WDFY4: variants seen among roughly 807,000 people sequenced by gnomAD.
WDFY4 encodes WDFY family member 4.
In WDFY4, 169 loss-of-function variants were observed where a neutral mutation model predicts 351.9. That is an observed-to-expected ratio of 0.48 (90% CI 0.42 to 0.55). The LOEUF (loss-of-function observed/expected upper bound fraction) is 0.55. Among genes scored for constraint, WDFY4 ranks in the 20% least tolerant of loss-of-function variants. The pLI is 0.00. For missense variants in WDFY4, 3,803 were observed against 3,935.6 expected, an observed-to-expected ratio of 0.97 and a Z score of 0.90; for synonymous variants, 1,622 against 1,574.6, an observed-to-expected ratio of 1.03 and a Z score of -0.71.
At chr10:48,846,486 C>T (rs370710242) in intron 39 of WDFY4, among the ~76,000 whole-genome samples, 15 of 152,200 alleles carry the variant, frequency 9.9e-5, no homozygotes, top group African/African-American at 3.4e-4. Flanking sequence ...TGAAGGCCTT[C>T]GGGTTTGCAC....
chr10:48,963,721 A>T (rs1330543502), intron 53 of WDFY4, 121 bp from the exon 54 acceptor site: 1 of 1,131,044 alleles, frequency 8.8e-7, no homozygotes, highest in Non-Finnish European at 1.3e-6. Context: ...CCAGGGGCTC[A>T]TCAATTATCT....
At chr10:48,705,387 C>T (rs903330299) in intron 1 of WDFY4, among the ~76,000 whole-genome samples, 1 of 152,156 alleles carries the variant, frequency 6.6e-6, no homozygotes. Context: ...ACCCTGGCCT[C>T]GCCTGGGACT....
intron 1 of WDFY4, among the ~76,000 whole-genome samples, chr10:48,700,559 A>G (rs548241312): frequency 1.2e-4 from 18 of 152,382 alleles, no homozygotes; most frequent in African/African-American, 4.3e-4. Context: ...ATCATGTGGC[A>G]AATGTTTACT....
In WDFY4 at chr10:48,778,786, C is replaced by T; in HGVS notation, c.3351C>T (p.Asp1117=). ...TCTCCGTCAGCCTCTGCCCAGACGA[C>T]CTCTCCTTGGTTGTTTCTACAGAAG... is the stretch of plus-strand genomic sequence containing the variant. ...VCFSVSLCPD[D]LSLVVSTEEK... The change falls in exon 18 of 62, where the codon GAC becomes GAT. Residue 1117 remains aspartate (D), a synonymous_variant. Coordinates refer to ENST00000325239, the MANE Select transcript of WDFY4 (RefSeq NM_001394531.1). The T allele has an allele frequency of 1.9e-6, 3 of 1,551,596 alleles. No individual in the cohort carries two copies. The highest frequency in any genetic ancestry group is 2.6e-6 in the Non-Finnish European group (3 of 1,147,046).
intron 51 of WDFY4, among the ~76,000 whole-genome samples, chr10:48,954,125 A>C (rs998641028): frequency 3.3e-5 from 5 of 152,184 alleles, no homozygotes; most frequent in Non-Finnish European, 7.3e-5. Flanking sequence ...AAAGGATTTT[A>C]ATTGAGAAGA....
Position 48,820,252 on chromosome 10 carries a change from AC to A in WDFY4, c.5527del (p.Arg1843GlyfsTer32). Reference protein sequence around the residue: ...GAQKGVGAESTRNTSSPEAAA... With the variant: ...GAQKGVGAESXRNTSSPEAAA... ...CTTTGAGGGGGTTGGGGCTGAGTCC[AC>A]CCGGAACACCAGCAGTCCTGAGGCC... On this transcript the variant is annotated frameshift_variant, in exon 33 of 62. Transcript: ENST00000325239. LOFTEE classifies it high-confidence loss of function. The A allele has an allele frequency of 6.4e-7, 1 of 1,551,594 alleles. No individual in the cohort carries two copies. Among genetic ancestry groups the A allele is most frequent in the South Asian group, 1.2e-5 (1 of 84,058 alleles).
chr10:48,886,801 T>A (rs189663687), intron 43 of WDFY4, among the ~76,000 whole-genome samples: 3 of 152,378 alleles, frequency 2.0e-5, no homozygotes, highest in Non-Finnish European at 1.5e-5. Flanking sequence ...GAGCTAGCTG[T>A]GGCTACTTTC....
rs1239020383 is a variant in WDFY4 at position 48,778,840 on chromosome 10, G to A, written c.3397+8G>A. ...AGGAGTTTCAGCCTCTGGGTAAGGT[G>A]CTGGGATCCAAAGCCAGTTTCATCC... is the stretch of plus-strand genomic sequence containing the variant. On this transcript the variant is annotated splice_region_variant and intron_variant, in intron 18 of 61. Coordinates refer to ENST00000325239, the MANE Select transcript of WDFY4 (RefSeq NM_001394531.1). The A allele has an allele frequency of 1.3e-6, 2 of 1,548,392 alleles. No homozygotes were observed. Among genetic ancestry groups the A allele is most frequent in the Non-Finnish European group, 8.7e-7 (1 of 1,146,926 alleles).
chr10:48,887,916 A>G (rs2070533910), intron 43 of WDFY4, among the ~76,000 whole-genome samples: 1 of 152,274 alleles, frequency 6.6e-6, no homozygotes, highest in Non-Finnish European at 1.5e-5. Context: ...CTGACTGGTC[A>G]AATAAACTGT....
At chr10:48,838,079 GGGAAGTCAGGGCTGTGTAAGAATTAACA>G (rs1253199694) in intron 39 of WDFY4, among the ~76,000 whole-genome samples, 1 of 152,242 alleles carries the variant, frequency 6.6e-6, no homozygotes, top group Non-Finnish European at 1.5e-5. Flanking sequence ...GGCCCATGCA[GGGAAGTCAGGGCTGTGTAAGAATTAACA>G]GAATGGGATG....
At chr10:48,974,519 A>AAAAAAAAAAAAAAAAAAAAAAAAAAAAC (rs1352344126) in intron 57 of WDFY4, among the ~76,000 whole-genome samples, 6 of 49,968 alleles carry the variant, frequency 1.2e-4, no homozygotes, top group Non-Finnish European at 1.8e-4. Flanking sequence ...AAAAAAAAAA[A>AAAAAAAAAAAAAAAAAAAAAAAAAAAAC]AAAAAAAAAA....
chr10:48,910,918 T>A, intron 47 of WDFY4: 1 of 985,138 alleles, frequency 1.0e-6, no homozygotes, highest in South Asian at 4.7e-5. Flanking sequence ...TCTTAACTTC[T>A]CTCCTTTGCT....
At chr10:48,736,966 A>G (rs148546748) in intron 11 of WDFY4, among the ~76,000 whole-genome samples, 5 of 152,358 alleles carry the variant, frequency 3.3e-5, no homozygotes, top group African/African-American at 1.2e-4. Flanking sequence ...ACATTCATCA[A>G]TTTATCTTAA....
intron 47 of WDFY4, among the ~76,000 whole-genome samples, chr10:48,937,328 C>T (rs1027845171): frequency 6.6e-5 from 10 of 152,196 alleles, no homozygotes; most frequent in Non-Finnish European, 1.5e-4. Flanking sequence ...TGTCAGGTAG[C>T]TGGCATTTCA....
At chr10:48,755,454 A>G (rs2065308980) in intron 12 of WDFY4, among the ~76,000 whole-genome samples, 1 of 152,186 alleles carries the variant, frequency 6.6e-6, no homozygotes, top group African/African-American at 2.4e-5. Context: ...CCTGACGGCC[A>G]TGAAGATTTT....
At chr10:48,966,244 A>G (rs993375598) in intron 54 of WDFY4, among the ~76,000 whole-genome samples, 4 of 152,174 alleles carry the variant, frequency 2.6e-5, no homozygotes, top group Admixed American at 1.3e-4. Context: ...GGGCTCTTCA[A>G]TGAGGCCAGT....
At chr10:48,819,909 C>T (rs1009770388) in intron 32 of WDFY4, among the ~76,000 whole-genome samples, 46 of 152,168 alleles carry the variant, frequency 3.0e-4, no homozygotes, top group Admixed American at 2.0e-3. Context: ...TTTATTGTCT[C>T]TATTTAACCG....
At chr10:48,828,607 T>A (rs1248589344) in intron 36 of WDFY4, among the ~76,000 whole-genome samples, 171 bp from the exon 37 acceptor site, 1 of 152,202 alleles carries the variant, frequency 6.6e-6, no homozygotes, top group African/African-American at 2.4e-5. Context: ...CTCTAAAATA[T>A]CTGCTGTGGA....
chr10:48,699,317 G>C (rs992119874), intron 1 of WDFY4, among the ~76,000 whole-genome samples: 11 of 152,134 alleles, frequency 7.2e-5, no homozygotes, highest in African/African-American at 2.7e-4. Flanking sequence ...TGGGGACTTC[G>C]GAGCCAGCAG....
Sources: gnomAD v4.1 joint callset for allele counts (sites outside exome capture counted in the v4.1 genomes callset) on GRCh38, gnomAD v4.1.1 for gene constraint, MANE v1.5 for transcripts, NCBI Gene and HGNC (gene_info 2026-07-23, HGNC 2026-07-21) for gene names.